Variants in DNAH7 observed in about 807,000 individuals in gnomAD.
DNAH7 encodes axonemal beta dynein heavy chain 7.
In DNAH7, 397 loss-of-function variants were observed where a neutral mutation model predicts 444.6. The observed-to-expected ratio is 0.89, with a 90% confidence interval of 0.82 to 0.97. The LOEUF (loss-of-function observed/expected upper bound fraction) is 0.97, where lower values mean the gene tolerates loss of function less well. DNAH7 is among the 50% of genes least tolerant of loss of function. The pLI, the probability that DNAH7 is intolerant of heterozygous loss-of-function variation, is 0.00. For missense variants in DNAH7, 4,902 were observed against 4,800.8 expected (o/e 1.02, Z -0.62); for synonymous variants, 1,636 against 1,624.4 (o/e 1.01, Z -0.17).
chr2:195,761,235 C>T (rs1330549159), intron 61 of DNAH7, among the ~76,000 whole-genome samples: 1 of 151,622 alleles, frequency 6.6e-6, no homozygotes, highest in Non-Finnish European at 1.5e-5. Context: ...AACAGCAGAA[C>T]TAATCAAGCA....
rs567476975 is a variant in DNAH7 at position 196,025,554 on chromosome 2, T to C, written c.668-1050A>G. On this transcript the variant is annotated intron_variant, in intron 7 of 64. Coordinates refer to ENST00000312428, the MANE Select transcript of DNAH7 (RefSeq NM_018897.3). ...GTCTGCTATCATTCACACCATTTCCTAGGCCAAGCATGTTCCCGACTAGAC... is the reference window on the plus strand; with the variant it reads ...GTCTGCTATCATTCACACCATTTCCCAGGCCAAGCATGTTCCCGACTAGAC... Among the ~76,000 whole-genome samples, 27 of 152,248 alleles carry C rather than the reference T, an allele frequency of 1.8e-4. 1 individual carries two copies. Among genetic ancestry groups the C allele is most frequent in the Non-Finnish European group, 3.1e-4 (21 of 68,000 alleles).
chr2:195,975,583 C>T (rs894006399), intron 15 of DNAH7, among the ~76,000 whole-genome samples: 6 of 150,976 alleles, frequency 4.0e-5, no homozygotes, highest in Admixed American at 1.3e-4. Flanking sequence ...TAGTGATATA[C>T]CTAGCTAAAG....
intron 17 of DNAH7, among the ~76,000 whole-genome samples, chr2:195,965,647 G>C (rs1574903649): frequency 6.6e-6 from 1 of 151,446 alleles, no homozygotes; most frequent in South Asian, 2.1e-4. Context: ...CTTCTTACTT[G>C]TTGTTGGTCT....
intron 27 of DNAH7, chr2:195,901,214 A>T (rs1665253090): frequency 6.6e-6 from 1 of 152,086 alleles, no homozygotes; most frequent in African/African-American, 2.4e-5. Flanking sequence ...TGGCTTGATT[A>T]GGGGTATTGT....
At chr2:195,928,141 T>C (rs1688461432) in intron 21 of DNAH7, among the ~76,000 whole-genome samples, 1 of 152,102 alleles carries the variant, frequency 6.6e-6, no homozygotes, top group Admixed American at 6.6e-5. Flanking sequence ...GTGCTCAGTG[T>C]TTAGCTCCCA....
intron 5 of DNAH7, among the ~76,000 whole-genome samples, chr2:196,031,111 C>T (rs1696030863): frequency 6.6e-6 from 1 of 152,264 alleles, no homozygotes; most frequent in African/African-American, 2.4e-5. Context: ...CATACATCTT[C>T]TGAAATCTAG....
chr2:195,797,359 T>C (rs1184533669), intron 55 of DNAH7, among the ~76,000 whole-genome samples: 1 of 152,006 alleles, frequency 6.6e-6, no homozygotes, highest in Non-Finnish European at 1.5e-5. Context: ...AAGAGTGGGG[T>C]CTCAGCCCCT....
intron 36 of DNAH7, among the ~76,000 whole-genome samples, chr2:195,879,543 G>A (rs139411529): frequency 5.7e-4 from 87 of 152,174 alleles, no homozygotes; most frequent in African/African-American, 2.0e-3. Context: ...CTATCGTCAG[G>A]TAAGCCTTAT....
intron 19 of DNAH7, among the ~76,000 whole-genome samples, chr2:195,939,166 C>T (rs960008158): frequency 3.9e-5 from 6 of 152,138 alleles, no homozygotes; most frequent in African/African-American, 1.4e-4. Flanking sequence ...GACCCTTTTA[C>T]TCCCCCTTTC....
intron 5 of DNAH7, among the ~76,000 whole-genome samples, chr2:196,041,533 C>T (rs74859580): frequency 0.038 from 5,704 of 152,072 alleles, 242 homozygotes; most frequent in African/African-American, 0.099. Flanking sequence ...TAGACCCTAT[C>T]TCTCACCATC....
chr2:196,034,347 C>T (rs1696249749), intron 5 of DNAH7, among the ~76,000 whole-genome samples: 2 of 152,058 alleles, frequency 1.3e-5, no homozygotes, highest in African/African-American at 4.8e-5. Context: ...GATTTCTACA[C>T]AAAAATGTAT....
At chr2:195,981,939 G>A (rs1389237690) in intron 15 of DNAH7, among the ~76,000 whole-genome samples, 1 of 152,118 alleles carries the variant, frequency 6.6e-6, no homozygotes, top group Non-Finnish European at 1.5e-5. Flanking sequence ...ACGAGTACAG[G>A]CAAACAAAGC....
At chr2:195,865,254 T>A (rs1203647950) in intron 40 of DNAH7, among the ~76,000 whole-genome samples, 1 of 152,056 alleles carries the variant, frequency 6.6e-6, no homozygotes, top group Non-Finnish European at 1.5e-5. Flanking sequence ...TGAAAGGTAA[T>A]TTTGGGGGTG....
chr2:196,063,488 G>C (rs1461522218), intron 1 of DNAH7: 1 of 152,218 alleles, frequency 6.6e-6, no homozygotes, highest in African/African-American at 2.4e-5. Flanking sequence ...TATTAGAACA[G>C]CTTCTAACAG....
chr2:195,972,781 T>C (rs975754339), intron 15 of DNAH7, among the ~76,000 whole-genome samples: 1 of 152,142 alleles, frequency 6.6e-6, no homozygotes, highest in Admixed American at 6.5e-5. Context: ...CAGAGTAACA[T>C]TTTATGGGCA....
At chr2:195,881,013 C>A (rs1049629225) in intron 36 of DNAH7, among the ~76,000 whole-genome samples, 1 of 148,874 alleles carries the variant, frequency 6.7e-6, no homozygotes, top group African/African-American at 2.5e-5. Flanking sequence ...TTTTTTTAAT[C>A]CAGGCCAAAA....
chr2:195,758,198 C>G (rs921071540), intron 61 of DNAH7, among the ~76,000 whole-genome samples: 1 of 152,232 alleles, frequency 6.6e-6, no homozygotes, highest in Admixed American at 6.5e-5. Flanking sequence ...AGACCACAGT[C>G]AACAATCACC....
intron 15 of DNAH7, among the ~76,000 whole-genome samples, chr2:195,981,861 C>T (rs187780021): frequency 7.8e-4 from 118 of 152,204 alleles, no homozygotes; most frequent in South Asian, 2.9e-3. Flanking sequence ...TATGAAACTG[C>T]CACAAGGAAA....
intron 37 of DNAH7, 35 bp downstream of exon 37, chr2:195,876,509 T>C (rs747838238): frequency 5.0e-6 from 8 of 1,594,380 alleles, no homozygotes; most frequent in South Asian, 1.2e-5. Context: ...GCAATGTATA[T>C]GAATAGGCCC....
Sources: allele counts gnomAD v4.1 joint callset (sites outside exome capture counted in the v4.1 genomes callset), GRCh38; gene constraint gnomAD v4.1.1; transcripts MANE v1.5; gene names NCBI Gene and HGNC (gene_info 2026-07-23, HGNC 2026-07-21).